GABRP: variants seen among roughly 807,000 people sequenced by gnomAD.
GABRP encodes gamma-aminobutyric acid receptor subunit pi.
A neutral mutation model predicts 47.8 loss-of-function variants in GABRP; 52 were observed. The observed-to-expected ratio is 1.09, with a 90% CI of 0.87 to 1.37. The LOEUF (loss-of-function observed/expected upper bound fraction) is 1.37, where lower values mean the gene tolerates loss of function less well. Ranked by LOEUF, GABRP falls within the 40% of genes most tolerant of loss-of-function variation. The probability of loss-of-function intolerance (pLI) is 0.00; values close to 1 mark genes in which losing one functional copy is unlikely to be tolerated. For synonymous variants in GABRP, 221 were observed against 205.8 expected, an observed-to-expected ratio of 1.07 and a Z score of -0.63; for missense variants, 525 against 542.8, an observed-to-expected ratio of 0.97 and a Z score of 0.33.
At chr5:170,803,327 C>A (rs1202307790) in intron 6 of GABRP, among the ~76,000 whole-genome samples, 4 of 152,164 alleles carry the variant, frequency 2.6e-5, no homozygotes, top group African/African-American at 9.7e-5. Flanking sequence ...AGGCAATATA[C>A]CTTTATGTAT....
Position 170,812,326 on chromosome 5 carries a change from TAGGCCA to T in GABRP, c.*71_*76del. 7.7e-7 allele frequency: 1 copy of T among 1,297,696 alleles called. No homozygotes were observed. Among genetic ancestry groups the T allele is most frequent in the South Asian group, 1.3e-5 (1 of 75,238 alleles). The allele number at this position is 1,297,696 out of a possible 1,614,324, so 80.4% of individuals were successfully genotyped here. On this transcript the variant is annotated 3_prime_UTR_variant, in exon 10 of 10. Transcript: ENST00000265294. The stretch of plus-strand genomic sequence containing the variant: ...CAAGATAATGATGTAAATGGTATTT[TAGGCCA>T]AGTGTGCACCCACATCCAATGGTGC...
intron 3 of GABRP, among the ~76,000 whole-genome samples, chr5:170,792,808 T>C (rs1196348569): frequency 6.6e-6 from 1 of 152,238 alleles, no homozygotes; most frequent in African/African-American, 2.4e-5. Flanking sequence ...GCCGTATTCC[T>C]ACCGATGAGA....
At chr5:170,786,940 T>C (rs892538762) in intron 1 of GABRP, among the ~76,000 whole-genome samples, 15 of 152,210 alleles carry the variant, frequency 9.9e-5, no homozygotes, top group Non-Finnish European at 2.2e-4. Flanking sequence ...GGTAGTTATT[T>C]CTGAAGTATG....
intron 6 of GABRP, among the ~76,000 whole-genome samples, chr5:170,802,667 T>C (rs1287617231): frequency 6.6e-6 from 1 of 152,072 alleles, no homozygotes; most frequent in Non-Finnish European, 1.5e-5. Context: ...AGCCTCTGTT[T>C]CACAAATACC....
chr5:170,800,071 A>G (rs1765549069), intron 6 of GABRP, among the ~76,000 whole-genome samples: 1 of 152,228 alleles, frequency 6.6e-6, no homozygotes, highest in South Asian at 2.1e-4. Flanking sequence ...TGGAGGCATC[A>G]TGCTACCTGA....
At chr5:170,808,540 T>G (rs372452374) in intron 7 of GABRP, 60 bp from the exon 8 acceptor site, 47 of 1,494,132 alleles carry the variant, frequency 3.1e-5, no homozygotes, top group Non-Finnish European at 4.2e-5. Flanking sequence ...AAGCATCCCA[T>G]AGAGAAACCA....
intron 9 of GABRP, chr5:170,810,156 T>C: frequency 2.2e-6 from 1 of 456,430 alleles, no homozygotes; most frequent in Non-Finnish European, 3.9e-6. Context: ...CAAGTAATGC[T>C]TTACTGAAAA....
intron 3 of GABRP, among the ~76,000 whole-genome samples, chr5:170,791,773 C>G (rs1164941779): frequency 6.6e-6 from 1 of 152,228 alleles, no homozygotes; most frequent in African/African-American, 2.4e-5. Flanking sequence ...CAACCCAACT[C>G]TCAATGGTTG....
intron 6 of GABRP, 108 bp from the exon 7 acceptor site, chr5:170,805,608 A>G: frequency 8.1e-7 from 1 of 1,232,928 alleles, no homozygotes; most frequent in Non-Finnish European, 1.1e-6. Flanking sequence ...TGGACTTATC[A>G]CTATGAAGAA....
intron 3 of GABRP, among the ~76,000 whole-genome samples, chr5:170,791,097 C>A (rs1039220390): frequency 6.6e-6 from 1 of 152,206 alleles, no homozygotes; most frequent in African/African-American, 2.4e-5. Flanking sequence ...AAACCCCAAA[C>A]AATTAAGTCA....
intron 9 of GABRP, among the ~76,000 whole-genome samples, chr5:170,810,270 C>A (rs2127267330): frequency 6.7e-6 from 1 of 149,228 alleles, no homozygotes; most frequent in African/African-American, 2.5e-5. Context: ...CACTATAGTC[C>A]AGCTCTCTAA....
At chr5:170,787,838 C>T (rs541829194) in intron 1 of GABRP, among the ~76,000 whole-genome samples, 118 of 152,264 alleles carry the variant, frequency 7.7e-4, no homozygotes, top group African/African-American at 2.5e-3. Flanking sequence ...CATGACTGAC[C>T]CCACAAGCCT....
In GABRP at chr5:170,795,310, C is replaced by G; in HGVS notation, c.343C>G (p.Leu115Val). 1 of 1,613,990 alleles carries G rather than the reference C, an allele frequency of 6.2e-7. No homozygotes were observed. Among genetic ancestry groups the G allele is most frequent in the Non-Finnish European group, 8.5e-7 (1 of 1,180,000 alleles). Residue 115 changes from leucine to valine, a missense_variant, in exon 5 of 10, where the codon CTC (leucine) becomes GTC (valine). Coordinates refer to ENST00000265294, the MANE Select transcript of GABRP (RefSeq NM_014211.3). ...FTLDARLVEF[L>V]WVPDTYIVES... is the part of the protein sequence containing the mutation. The stretch of plus-strand genomic sequence containing the variant: ...TCTGGATGCCCGCCTCGTGGAGTTC[C>G]TCTGGGTGCCAGATACTTACATTGT...
intron 7 of GABRP, among the ~76,000 whole-genome samples, chr5:170,807,028 A>G (rs1561815143): frequency 6.6e-6 from 1 of 152,198 alleles, no homozygotes; most frequent in East Asian, 1.9e-4. Context: ...AGCTCACGGC[A>G]AAATTCACCT....
intron 4 of GABRP, 183 bp downstream of exon 4, chr5:170,794,481 A>C (rs1044437117): frequency 2.4e-6 from 1 of 410,412 alleles, no homozygotes; most frequent in Non-Finnish European, 4.3e-6. Context: ...ATTCTTGTAG[A>C]GCAGATTTTC....
chr5:170,802,092 A>G (rs187252827), intron 6 of GABRP, among the ~76,000 whole-genome samples: 1 of 152,360 alleles, frequency 6.6e-6, no homozygotes, highest in East Asian at 1.9e-4. Context: ...TCACACAGTC[A>G]TGCCAGTAAA....
chr5:170,784,076 C>T (rs917569320), intron 1 of GABRP, among the ~76,000 whole-genome samples: 3 of 152,220 alleles, frequency 2.0e-5, no homozygotes, highest in Non-Finnish European at 2.9e-5. Flanking sequence ...CAGTCATTCA[C>T]CCCTGTGCAG....
chr5:170,799,370 T>C (rs1429624422), intron 6 of GABRP, among the ~76,000 whole-genome samples: 2 of 152,220 alleles, frequency 1.3e-5, no homozygotes, highest in Non-Finnish European at 2.9e-5. Flanking sequence ...TCTTCCACAG[T>C]GGTTGAACCA....
chr5:170,796,897 G>A (rs149005971), intron 5 of GABRP, among the ~76,000 whole-genome samples: 1 of 152,194 alleles, frequency 6.6e-6, no homozygotes, highest in African/African-American at 2.4e-5. Context: ...CACTGTGAGG[G>A]CATAACTGAC....
Sources: gnomAD v4.1 joint callset for allele counts (sites outside exome capture counted in the v4.1 genomes callset) on GRCh38, gnomAD v4.1.1 for gene constraint, MANE v1.5 for transcripts, NCBI Gene and HGNC (gene_info 2026-07-23, HGNC 2026-07-21) for gene names.